Variants in BNIP3L observed in about 807,000 individuals in gnomAD.
BNIP3L encodes BCL2/adenovirus E1B 19 kDa protein-interacting protein 3-like.
A neutral mutation model predicts 25.5 loss-of-function variants in BNIP3L; 10 were observed. The ratio of observed to expected loss-of-function variants is 0.39; its 90% CI spans 0.24 to 0.67. The LOEUF is 0.67. Ranked by LOEUF, BNIP3L falls within the 30% of genes least tolerant of loss-of-function variation. The probability of loss-of-function intolerance (pLI) is 0.45; values close to 1 mark genes in which losing one functional copy is unlikely to be tolerated. For synonymous variants in BNIP3L, 113 were observed against 101.2 expected (o/e 1.12, Z -0.70); for missense variants, 215 against 270.9 (o/e 0.79, Z 1.45).
chr8:26,383,085 C>T lies in BNIP3L; in HGVS notation c.-46C>T, dbSNP rs1024288967. On this transcript the variant is annotated 5_prime_UTR_variant, in exon 1 of 6. Coordinates refer to ENST00000380629, the MANE Select transcript of BNIP3L (RefSeq NM_004331.3). ...GGCTTGTTGTGTTGCTGCCTGAGTG[C>T]CGGAGACGGTCCTGCTGCTGCCGCA... The T allele has an allele frequency of 2.7e-6, 4 of 1,507,814 alleles. No homozygotes were observed. The highest frequency in any genetic ancestry group is 3.6e-6 in the Non-Finnish European group (4 of 1,110,408). 93.4% of individuals were successfully genotyped at this position (1,507,814 alleles called of 1,614,324 possible).
intron 3 of BNIP3L, among the ~76,000 whole-genome samples, chr8:26,403,241 A>G (rs1053612169): frequency 6.6e-6 from 1 of 152,216 alleles, no homozygotes; most frequent in African/African-American, 2.4e-5. Context: ...AGCTGTCAGC[A>G]GGTATAGTTT....
Position 26,395,245 on chromosome 8 carries a change from A to T in BNIP3L, c.300A>T (p.Glu100Asp). The change falls in exon 3 of 6, where the codon GAA (glutamate) becomes GAT (aspartate). Residue 100 changes from glutamate to aspartate, a missense_variant. Glu to Asp is a conservative substitution (Grantham distance 45, BLOSUM62 2). Coordinates refer to ENST00000380629, the MANE Select transcript of BNIP3L (RefSeq NM_004331.3). ...TCTCTTCTAGCCCTTCGCCACAAGA[A>T]GATGGGCAGATCATGTTTGATGTGG... Reference protein sequence around the residue: ...SSHCDSPSPQEDGQIMFDVEM... With the variant: ...SSHCDSPSPQDDGQIMFDVEM... 6.2e-7 allele frequency: 1 copy of T among 1,614,170 alleles called. No individual in the cohort carries two copies. The highest frequency in any genetic ancestry group is 1.7e-5 in the Admixed American group (1 of 60,022).
chr8:26,408,643 G>A (rs555529618), intron 5 of BNIP3L, among the ~76,000 whole-genome samples: 5 of 152,252 alleles, frequency 3.3e-5, no homozygotes, highest in African/African-American at 1.2e-4. Flanking sequence ...AGGCCAAGAT[G>A]GGTGGATGAC....
rs923497919 is a variant in BNIP3L, at chr8:26,383,079, T to C, written c.-52T>C. 1.3e-6 allele frequency: 2 copies of C among 1,488,798 alleles called. No homozygotes were observed. The highest frequency in any genetic ancestry group is 1.8e-6 in the Non-Finnish European group (2 of 1,095,050). 92.2% of individuals were successfully genotyped at this position (1,488,798 alleles called of 1,614,324 possible). ...GGACTCGGCTTGTTGTGTTGCTGCC[T>C]GAGTGCCGGAGACGGTCCTGCTGCT... On this transcript the variant is annotated 5_prime_UTR_variant, in exon 1 of 6. Transcript: ENST00000380629.
intron 1 of BNIP3L, among the ~76,000 whole-genome samples, chr8:26,387,000 G>C (rs914462289): frequency 6.6e-6 from 1 of 152,148 alleles, no homozygotes; most frequent in African/African-American, 2.4e-5. Context: ...GAAAAGCTTT[G>C]AGGAAAGAAT....
At chr8:26,394,364 A>C (rs114374531) in intron 2 of BNIP3L, among the ~76,000 whole-genome samples, 2,674 of 152,270 alleles carry the variant, frequency 0.018, 48 homozygotes, top group African/African-American at 0.048. Context: ...AATAAGTAAA[A>C]TAGTGGTTCT....
chr8:26,411,536 A>G lies in BNIP3L; in HGVS notation c.*1124A>G, dbSNP rs761349365. The G allele has an allele frequency of 1.3e-5, 2 of 152,272 alleles. No homozygotes were observed. Among genetic ancestry groups the G allele is most frequent in the Non-Finnish European group, 2.9e-5 (2 of 68,032 alleles). 9.4% of individuals were successfully genotyped at this position (152,272 alleles called of 1,614,324 possible). ...GTTTCCTTCTGATCTCTCACTGAAT[A>G]ATGTTTACTGTACAGTCTTCCCAAG... On this transcript the variant is annotated 3_prime_UTR_variant, in exon 6 of 6. Transcript: ENST00000380629.
At chr8:26,392,977 C>A (rs1466577448) in intron 2 of BNIP3L, among the ~76,000 whole-genome samples, 2 of 152,082 alleles carry the variant, frequency 1.3e-5, no homozygotes, top group South Asian at 4.2e-4. Flanking sequence ...CTCCTATGAT[C>A]ATGTTTAAGT....
chr8:26,404,234 G>A (rs1050398997), intron 3 of BNIP3L, among the ~76,000 whole-genome samples: 1 of 152,204 alleles, frequency 6.6e-6, no homozygotes, highest in Non-Finnish European at 1.5e-5. Flanking sequence ...AGTCCGAGAA[G>A]CGATATAGAT....
rs1484194374 is a variant in BNIP3L at position 26,411,534 on chromosome 8, A to G, written c.*1122A>G. 3 of 152,278 alleles carry G rather than the reference A, an allele frequency of 2.0e-5. No homozygotes were observed. Among genetic ancestry groups the G allele is most frequent in the Admixed American group, 1.3e-4 (2 of 15,286 alleles). 9.4% of individuals were successfully genotyped at this position (152,278 alleles called of 1,614,324 possible). ...TTGTTTCCTTCTGATCTCTCACTGA[A>G]TAATGTTTACTGTACAGTCTTCCCA... is the stretch of plus-strand genomic sequence containing the variant. On this transcript the variant is annotated 3_prime_UTR_variant, in exon 6 of 6. Transcript: ENST00000380629.
chr8:26,401,695 A>G (rs1806387267), intron 3 of BNIP3L, among the ~76,000 whole-genome samples: 1 of 152,016 alleles, frequency 6.6e-6, no homozygotes, highest in Non-Finnish European at 1.5e-5. Flanking sequence ...TCTGAAATCA[A>G]AGCAGTGGCT....
chr8:26,409,110 GTTGA>G (rs1160722821), intron 5 of BNIP3L, among the ~76,000 whole-genome samples: 2 of 151,678 alleles, frequency 1.3e-5, no homozygotes, highest in African/African-American at 4.8e-5. Flanking sequence ...AAACTGGTAG[GTTGA>G]TTGGTGCTAA....
intron 3 of BNIP3L, among the ~76,000 whole-genome samples, chr8:26,405,347 T>C (rs1452546734): frequency 6.6e-6 from 1 of 152,160 alleles, no homozygotes; most frequent in African/African-American, 2.4e-5. Context: ...TGTTTTTGAT[T>C]TGGGATGATT....
chr8:26,402,481 C>CT (rs1806408362), intron 3 of BNIP3L, among the ~76,000 whole-genome samples: 1 of 152,172 alleles, frequency 6.6e-6, no homozygotes, highest in African/African-American at 2.4e-5. Flanking sequence ...ATACAGAAAG[C>CT]TTTAAGTTTA....
intron 3 of BNIP3L, among the ~76,000 whole-genome samples, chr8:26,403,297 CA>C (rs1806432819): frequency 6.6e-6 from 1 of 151,720 alleles, no homozygotes; most frequent in Admixed American, 6.6e-5. Flanking sequence ...ATGGAAGAAA[CA>C]ATAATTTAAA....
At chr8:26,409,793 G>T (rs1342104431) in intron 5 of BNIP3L, among the ~76,000 whole-genome samples, 1 of 152,172 alleles carries the variant, frequency 6.6e-6, no homozygotes, top group African/African-American at 2.4e-5. Context: ...TGGAGGTGAA[G>T]CTAGTTACAT....
chr8:26,392,286 T>G (rs2117471164), intron 2 of BNIP3L, among the ~76,000 whole-genome samples: 1 of 152,230 alleles, frequency 6.6e-6, no homozygotes, highest in Non-Finnish European at 1.5e-5. Flanking sequence ...TCTGGGTGGT[T>G]GTTAACTGAT....
chr8:26,383,716 G>A (rs1417501305), intron 1 of BNIP3L, among the ~76,000 whole-genome samples: 2 of 151,478 alleles, frequency 1.3e-5, no homozygotes, highest in African/African-American at 4.8e-5. Context: ...TCGCGGGCGG[G>A]CAGCGTCTGG....
At chr8:26,397,327 TAAAG>T (rs1456294380) in intron 3 of BNIP3L, among the ~76,000 whole-genome samples, 39 of 48,500 alleles carry the variant, frequency 8.0e-4, no homozygotes, top group African/African-American at 3.2e-3. Flanking sequence ...TCAACATTCT[TAAAG>T]AAAAGAATTT....
Sources: gnomAD v4.1 joint callset for allele counts (sites outside exome capture counted in the v4.1 genomes callset) on GRCh38, gnomAD v4.1.1 for gene constraint, MANE v1.5 for transcripts, NCBI Gene and HGNC (gene_info 2026-07-23, HGNC 2026-07-21) for gene names.